Variants in ESR1 observed in about 807,000 individuals in gnomAD.
ESR1 encodes the protein estrogen receptor 1.
In ESR1, 12 loss-of-function variants were observed where a neutral mutation model predicts 52.7. The ratio of observed to expected loss-of-function variants is 0.23; its 90% CI spans 0.15 to 0.37. The LOEUF is 0.37. Ranked by LOEUF, ESR1 falls within the 10% of genes least tolerant of loss-of-function variation. The pLI is 1.00. For synonymous variants in ESR1, 305 were observed against 316.8 expected, an observed-to-expected ratio of 0.96 and a Z score of 0.39; for missense variants, 584 against 779.7, an observed-to-expected ratio of 0.75 and a Z score of 2.99.
intron 1 of ESR1, among the ~76,000 whole-genome samples, chr6:151,819,488 G>A (rs978878360): frequency 6.6e-6 from 1 of 152,172 alleles, no homozygotes; most frequent in Admixed American, 6.5e-5. Context: ...CCTCCTGTCA[G>A]ATCAGCGGTA....
intron 2 of ESR1, among the ~76,000 whole-genome samples, chr6:151,730,179 G>C (rs1185069646): frequency 6.6e-6 from 1 of 151,988 alleles, no homozygotes; most frequent in African/African-American, 2.4e-5. Context: ...GTCTTCCCAG[G>C]GCTAGGCATC....
At chr6:151,916,687 A>C (rs1293838015) in intron 3 of ESR1, among the ~76,000 whole-genome samples, 3 of 152,128 alleles carry the variant, frequency 2.0e-5, no homozygotes, top group East Asian at 1.9e-4. Flanking sequence ...TGCCCAGATC[A>C]ATATTTTAGG....
intron 1 of ESR1, among the ~76,000 whole-genome samples, chr6:151,827,078 C>T (rs575142932): frequency 4.6e-5 from 7 of 152,030 alleles, no homozygotes; most frequent in Non-Finnish European, 7.4e-5. Context: ...AATCCCAGCA[C>T]TTTGGGTGGC....
intron 1 of ESR1, among the ~76,000 whole-genome samples, chr6:151,673,575 TA>T (rs1778152167): frequency 6.6e-6 from 1 of 152,146 alleles, no homozygotes; most frequent in Admixed American, 6.5e-5. Flanking sequence ...AGTTTATCAA[TA>T]TAATCTATAA....
intron 3 of ESR1, among the ~76,000 whole-genome samples, chr6:151,901,332 G>A (rs753270052): frequency 3.9e-5 from 6 of 152,200 alleles, no homozygotes; most frequent in Non-Finnish European, 8.8e-5. Context: ...CAGCGGATGA[G>A]CAAGGCTAAG....
At chr6:152,066,753 A>G (rs111969027) in intron 6 of ESR1, among the ~76,000 whole-genome samples, 1 of 152,184 alleles carries the variant, frequency 6.6e-6, no homozygotes, top group Non-Finnish European at 1.5e-5. Context: ...TCCTGACAAC[A>G]TGGTATAGCA....
chr6:151,681,483 C>T (rs1582878443), intron 1 of ESR1, among the ~76,000 whole-genome samples: 1 of 151,764 alleles, frequency 6.6e-6, no homozygotes, highest in Non-Finnish European at 1.5e-5. Flanking sequence ...GCTTCTCAGG[C>T]GCCTTGATCT....
At chr6:151,716,071 T>C (rs1357817593) in intron 2 of ESR1, among the ~76,000 whole-genome samples, 1 of 152,228 alleles carries the variant, frequency 6.6e-6, no homozygotes, top group African/African-American at 2.4e-5. Flanking sequence ...TGTTTGTTAG[T>C]TTTCCTTCTA....
At chr6:152,037,004 T>G (rs1273201111) in intron 5 of ESR1, among the ~76,000 whole-genome samples, 3 of 152,200 alleles carry the variant, frequency 2.0e-5, no homozygotes, top group African/African-American at 7.2e-5. Context: ...GAAATGGGCT[T>G]ACTGTGTTTA....
intron 6 of ESR1, among the ~76,000 whole-genome samples, chr6:152,115,962 C>T (rs2051205625): frequency 1.3e-5 from 2 of 152,084 alleles, no homozygotes; most frequent in South Asian, 4.2e-4. Context: ...TGGGGTATGG[C>T]CTGGGGTTCT....
chr6:151,986,932 C>T lies in ESR1; in HGVS notation c.1097-24724C>T, dbSNP rs537188286. 2.7e-3 allele frequency among the ~76,000 whole-genome samples: 416 copies of T among 151,500 alleles called. 3 individuals are homozygous for T. The highest frequency in any genetic ancestry group is 8.2e-3 in the Admixed American group (124 of 15,094). On this transcript the variant is annotated intron_variant, in intron 4 of 7. Coordinates refer to ENST00000206249, the MANE Select transcript of ESR1 (RefSeq NM_000125.4). ...GTGTGTGTGTGTGTGCACGCGAGCA[C>T]GTGTGTGTGTGTGCGCGCCCATGGG...
rs78397101 is a variant in ESR1, at chr6:151,890,563, T to C, written c.760+9792T>C. ...ATTGATTTTCTGTCCGAATAATCTGTCCATTGCTAAAAGTGGGGTACTGAG... is the reference window on the plus strand; with the variant it reads ...ATTGATTTTCTGTCCGAATAATCTGCCCATTGCTAAAAGTGGGGTACTGAG... On this transcript the variant is annotated intron_variant, in intron 3 of 7. Coordinates refer to ENST00000206249, the MANE Select transcript of ESR1 (RefSeq NM_000125.4). Among the ~76,000 whole-genome samples the C allele has an allele frequency of 3.4e-4, 52 of 152,346 alleles. No homozygotes were observed. The East Asian group carries it at 7.5e-3, about 22-fold the overall frequency.
exon 7 of ESR1, chr6:152,126,704 A>G (rs1335923652): frequency 6.6e-6 from 1 of 152,184 alleles, no homozygotes; most frequent in East Asian, 1.9e-4. Context: ...GTCCCAAAAT[A>G]CCTAGACAAT....
upstream of ESR1, among the ~76,000 whole-genome samples, chr6:151,804,166 C>G (rs1345974117): frequency 1.3e-5 from 2 of 152,094 alleles, no homozygotes; most frequent in African/African-American, 4.8e-5. Flanking sequence ...CCCATGCTCA[C>G]CAAGCCCAGG....
At chr6:152,079,086 C>T (rs925682209) in intron 6 of ESR1, among the ~76,000 whole-genome samples, 33 of 152,320 alleles carry the variant, frequency 2.2e-4, no homozygotes, top group African/African-American at 7.2e-4. Flanking sequence ...AGACAGCTTC[C>T]GCAGACTTAA....
chr6:151,706,119 G>A (rs1780165795), intron 2 of ESR1, among the ~76,000 whole-genome samples: 1 of 152,132 alleles, frequency 6.6e-6, no homozygotes, highest in Non-Finnish European at 1.5e-5. Context: ...ACCAGCAGCT[G>A]GAATCAGCTA....
chr6:151,924,739 C>T (rs2032365509), intron 3 of ESR1, among the ~76,000 whole-genome samples: 1 of 152,142 alleles, frequency 6.6e-6, no homozygotes, highest in South Asian at 2.1e-4. Flanking sequence ...CCTCCAGCTC[C>T]ATCCTTGTTC....
At chr6:151,767,262 A>G (rs1221177527) in intron 2 of ESR1, among the ~76,000 whole-genome samples, 2 of 152,074 alleles carry the variant, frequency 1.3e-5, no homozygotes, top group Non-Finnish European at 2.9e-5. Context: ...TACTCAGGAT[A>G]AGATAATTGC....
chr6:152,028,123 G>A (rs1038069133), intron 5 of ESR1, among the ~76,000 whole-genome samples: 22 of 152,116 alleles, frequency 1.4e-4, no homozygotes, highest in African/African-American at 4.8e-4. Flanking sequence ...CAGCCTTGGC[G>A]ACAGAGTGAG....
Sources: gnomAD v4.1 joint callset for allele counts (sites outside exome capture counted in the v4.1 genomes callset) on GRCh38, gnomAD v4.1.1 for gene constraint, MANE v1.5 for transcripts, NCBI Gene and HGNC (gene_info 2026-07-23, HGNC 2026-07-21) for gene names.